The following TMEM114 variants were observed in gnomAD, a reference collection of about 807,000 sequenced individuals.
The protein encoded by TMEM114 is transmembrane protein 114, also known as claudin-26.
A neutral mutation model predicts 6.2 loss-of-function variants in TMEM114; 6 were observed. The observed-to-expected ratio is 0.97, with a 90% confidence interval of 0.53 to 1.91. TMEM114 has a LOEUF of 1.91. Ranked by LOEUF, TMEM114 falls within the 40% of genes most tolerant of loss-of-function variation. The pLI, the probability that TMEM114 is intolerant of heterozygous loss-of-function variation, is 0.01. For synonymous variants in TMEM114, 104 were observed against 73.0 expected (o/e 1.42, Z -2.16); for missense variants, 218 against 158.3 (o/e 1.38, Z -2.02).
intron 2 of TMEM114, among the ~76,000 whole-genome samples, chr16:8,544,594 C>G (rs1900605177): frequency 6.6e-6 from 1 of 152,160 alleles, no homozygotes; most frequent in Non-Finnish European, 1.5e-5. Flanking sequence ...TCATAAGACT[C>G]TTAGGAACAG....
chr16:8,534,024 T>G (rs1900285842), downstream of TMEM114, among the ~76,000 whole-genome samples: 1 of 152,156 alleles, frequency 6.6e-6, no homozygotes, highest in Non-Finnish European at 1.5e-5. Context: ...ATGGCTCTCG[T>G]TTTGAGATTT....
chr16:8,534,056 G>T (rs745736554), downstream of TMEM114, among the ~76,000 whole-genome samples: 1 of 152,132 alleles, frequency 6.6e-6, no homozygotes, highest in Non-Finnish European at 1.5e-5. Flanking sequence ...CCCTCCTTCT[G>T]TCCCTGCAAA....
At chr16:8,540,340 C>T (rs1395424287) in intron 2 of TMEM114, among the ~76,000 whole-genome samples, 2 of 152,148 alleles carry the variant, frequency 1.3e-5, no homozygotes, top group African/African-American at 4.8e-5. Context: ...GAGCAGGAAT[C>T]CCAGCTGATC....
intron 2 of TMEM114, among the ~76,000 whole-genome samples, chr16:8,541,485 C>T (rs1900514561): frequency 6.6e-6 from 1 of 152,110 alleles, no homozygotes; most frequent in Non-Finnish European, 1.5e-5. Flanking sequence ...TTCGTCTGAC[C>T]ATAAGGTTCA....
chr16:8,547,987 A>G (rs1466158089), intron 2 of TMEM114, among the ~76,000 whole-genome samples: 1 of 152,174 alleles, frequency 6.6e-6, no homozygotes, highest in African/African-American at 2.4e-5. Flanking sequence ...TCCAGGTGAT[A>G]GAAACGTCAG....
chr16:8,546,155 T>A (rs1038791238), intron 2 of TMEM114, among the ~76,000 whole-genome samples: 8 of 152,182 alleles, frequency 5.3e-5, no homozygotes, highest in African/African-American at 1.7e-4. Context: ...AACAATTATA[T>A]TAAGAACATA....
intron 2 of TMEM114, among the ~76,000 whole-genome samples, chr16:8,579,251 T>C (rs1902050647): frequency 1.3e-5 from 2 of 152,154 alleles, no homozygotes; most frequent in Non-Finnish European, 1.5e-5. Flanking sequence ...CGGTCAATGC[T>C]CTTACGCAGA....
downstream of TMEM114, among the ~76,000 whole-genome samples, chr16:8,566,188 G>T (rs1901537317): frequency 6.6e-6 from 1 of 152,152 alleles, no homozygotes; most frequent in Non-Finnish European, 1.5e-5. Flanking sequence ...GGCTAACACT[G>T]TAAAACCGCA....
intron 2 of TMEM114, among the ~76,000 whole-genome samples, chr16:8,549,873 C>T (rs1425558320): frequency 6.6e-6 from 1 of 152,130 alleles, no homozygotes; most frequent in African/African-American, 2.4e-5. Flanking sequence ...CTCACATGAT[C>T]ACAAGGTGAA....
Position 8,569,546 on chromosome 16 carries a change from C to G in TMEM114, c.*227G>C. The stretch of plus-strand genomic sequence containing the variant: ...ATTTCTCGCGAAGCGGTTTGGCACT[C>G]CCTCGGGCTCCTCCAGGCCACACGG... On this transcript the variant is annotated 3_prime_UTR_variant, in exon 4 of 4. Transcript: ENST00000620492. 7.1e-7 allele frequency: 1 copy of G among 1,409,018 alleles called. No individual in the cohort carries two copies. The highest frequency in any genetic ancestry group is 9.2e-7 in the Non-Finnish European group (1 of 1,084,458). The allele number at this position is 1,409,018 out of a possible 1,614,324, so 87.3% of individuals were successfully genotyped here. A position where few individuals can be genotyped will look rare whatever the true frequency, so the allele number is the denominator to read the frequency against.
intron 2 of TMEM114, among the ~76,000 whole-genome samples, chr16:8,546,375 G>C (rs1349479296): frequency 6.6e-6 from 1 of 152,058 alleles, no homozygotes; most frequent in African/African-American, 2.4e-5. Flanking sequence ...GATCTCTTTA[G>C]GTTTACATGT....
chr16:8,564,851 G>C (rs1418061803), downstream of TMEM114, among the ~76,000 whole-genome samples: 4 of 35,452 alleles, frequency 1.1e-4, no homozygotes, highest in Non-Finnish European at 2.2e-4. Flanking sequence ...GTGAGTGAAT[G>C]AGTGAGTGAA....
chr16:8,532,721 G>A (rs1159161907), downstream of TMEM114, among the ~76,000 whole-genome samples: 1 of 151,958 alleles, frequency 6.6e-6, no homozygotes, highest in Non-Finnish European at 1.5e-5. Flanking sequence ...TCAGGAGATC[G>A]AGACCATCCT....
chr16:8,556,527 G>A (rs1335263358), intron 2 of TMEM114, among the ~76,000 whole-genome samples: 1 of 152,070 alleles, frequency 6.6e-6, no homozygotes, highest in African/African-American at 2.4e-5. Flanking sequence ...TTGAGATGGA[G>A]TTTGGCTCTT....
intron 2 of TMEM114, among the ~76,000 whole-genome samples, chr16:8,586,984 G>A (rs1177797325): frequency 6.6e-6 from 1 of 152,104 alleles, no homozygotes; most frequent in African/African-American, 2.4e-5. Context: ...TGCTGGAGCT[G>A]ACTCATATCA....
At chr16:8,527,180 C>T in the TMEM114 span, among the ~76,000 whole-genome samples, 1 of 152,212 alleles carries the variant, frequency 6.6e-6, no homozygotes, top group Non-Finnish European at 1.5e-5. Context: ...GCACTCCATC[C>T]AGCCTGGGCA....
intron 2 of TMEM114, among the ~76,000 whole-genome samples, chr16:8,545,621 T>G (rs1900642406): frequency 6.6e-6 from 1 of 152,186 alleles, no homozygotes; most frequent in Admixed American, 6.5e-5. Context: ...TCTAATTCAG[T>G]AGATCATTAG....
intron 2 of TMEM114, among the ~76,000 whole-genome samples, chr16:8,554,344 C>A (rs180951471): frequency 7.2e-4 from 110 of 152,088 alleles, no homozygotes; most frequent in African/African-American, 2.5e-3. Flanking sequence ...TCGCTTGAGA[C>A]CAGGAGTTCA....
chr16:8,581,251 T>C (rs1902137889), intron 2 of TMEM114, among the ~76,000 whole-genome samples: 2 of 152,230 alleles, frequency 1.3e-5, no homozygotes, highest in South Asian at 4.1e-4. Flanking sequence ...ATTCTTTTTA[T>C]AGGCTATGTA....
Sources: allele counts gnomAD v4.1 joint callset (sites outside exome capture counted in the v4.1 genomes callset), GRCh38; gene constraint gnomAD v4.1.1; transcripts MANE v1.5; gene names NCBI Gene and HGNC (gene_info 2026-07-23, HGNC 2026-07-21).